Variants in PAPPA2 observed in about 807,000 individuals in gnomAD.
PAPPA2 encodes pappalysin-2.
PAPPA2 carries 86 observed loss-of-function variants against 176.4 expected under a neutral mutation model. The observed-to-expected ratio is 0.49, with a 90% CI of 0.41 to 0.58. The LOEUF (loss-of-function observed/expected upper bound fraction) is 0.58. Among genes scored for constraint, PAPPA2 ranks in the 20% least tolerant of loss-of-function variants. PAPPA2 has a pLI of 0.00. For missense variants in PAPPA2, 2,073 were observed against 2,256.9 expected (o/e 0.92, Z 1.65); for synonymous variants, 809 against 852.2 (o/e 0.95, Z 0.88).
chr1:176,539,313 C>G (rs1325871707), intron 1 of PAPPA2, among the ~76,000 whole-genome samples: 1 of 152,156 alleles, frequency 6.6e-6, no homozygotes, highest in Non-Finnish European at 1.5e-5. Context: ...TTGCCAGGGG[C>G]AGGTTGAAGG....
intron 20 of PAPPA2, among the ~76,000 whole-genome samples, chr1:176,795,473 G>T (rs1461369609): frequency 6.6e-6 from 1 of 152,124 alleles, no homozygotes; most frequent in Non-Finnish European, 1.5e-5. Flanking sequence ...CCTTAATCAT[G>T]ATGTCAAGAG....
chr1:176,651,667 T>G (rs2102743780), intron 3 of PAPPA2, among the ~76,000 whole-genome samples: 1 of 151,792 alleles, frequency 6.6e-6, no homozygotes, highest in South Asian at 2.1e-4. Context: ...CTCAAGAAAG[T>G]TTTCTTAAGA....
chr1:176,734,222 G>T (rs1055338095), intron 12 of PAPPA2, among the ~76,000 whole-genome samples: 1 of 152,096 alleles, frequency 6.6e-6, no homozygotes, highest in Non-Finnish European at 1.5e-5. Context: ...TAAAATCACA[G>T]TTTGAGGACA....
intron 2 of PAPPA2, among the ~76,000 whole-genome samples, chr1:176,564,277 TC>T (rs1651832590): frequency 6.6e-6 from 1 of 152,136 alleles, no homozygotes; most frequent in Non-Finnish European, 1.5e-5. Flanking sequence ...GAGTCCAAGC[TC>T]TTGAGCCCAG....
chr1:176,469,266 C>G (rs1274185826), intron 1 of PAPPA2, among the ~76,000 whole-genome samples: 1 of 152,134 alleles, frequency 6.6e-6, no homozygotes, highest in Non-Finnish European at 1.5e-5. Context: ...ACTTTTCTGC[C>G]AGAAAAAACA....
At chr1:176,642,276 G>A (rs1657142534) in intron 3 of PAPPA2, among the ~76,000 whole-genome samples, 1 of 151,762 alleles carries the variant, frequency 6.6e-6, no homozygotes, top group South Asian at 2.1e-4. Context: ...TAATTGCAAA[G>A]GATACTTGAT....
intron 3 of PAPPA2, among the ~76,000 whole-genome samples, chr1:176,601,633 A>G (rs1010444264): frequency 2.0e-5 from 3 of 152,226 alleles, no homozygotes. Context: ...CTGTTTCTAC[A>G]TAGTAGCTGC....
intron 3 of PAPPA2, among the ~76,000 whole-genome samples, chr1:176,625,373 C>T (rs2102700069): frequency 6.6e-6 from 1 of 152,330 alleles, no homozygotes; most frequent in East Asian, 1.9e-4. Context: ...AACACACACC[C>T]TGCCAGATTA....
intron 3 of PAPPA2, among the ~76,000 whole-genome samples, chr1:176,650,725 G>T (rs945460995): frequency 7.9e-5 from 12 of 151,460 alleles, no homozygotes; most frequent in Admixed American, 1.3e-4. Context: ...AATAAATGAG[G>T]ACTTGCTACT....
chr1:176,761,504 TATC>T (rs1185639877), intron 14 of PAPPA2, among the ~76,000 whole-genome samples: 1 of 152,150 alleles, frequency 6.6e-6, no homozygotes, highest in Non-Finnish European at 1.5e-5. Flanking sequence ...GCTGGACAAA[TATC>T]ATCACTTTGA....
chr1:176,673,151 C>G (rs1659103733), intron 4 of PAPPA2, among the ~76,000 whole-genome samples: 1 of 151,966 alleles, frequency 6.6e-6, no homozygotes, highest in Non-Finnish European at 1.5e-5. Flanking sequence ...AGGAACAGTT[C>G]CAAAGGATTT....
chr1:176,539,368 G>T (rs1032949490), intron 1 of PAPPA2, among the ~76,000 whole-genome samples: 15 of 152,222 alleles, frequency 9.9e-5, no homozygotes, highest in Non-Finnish European at 5.9e-5. Context: ...GCCTGATCCA[G>T]CAGGAGCCAC....
chr1:176,559,000 T>G (rs1651501310), intron 2 of PAPPA2, among the ~76,000 whole-genome samples: 1 of 152,178 alleles, frequency 6.6e-6, no homozygotes, highest in Admixed American at 6.5e-5. Flanking sequence ...TCCTGTCTGA[T>G]GCTCTGCACA....
intron 1 of PAPPA2, among the ~76,000 whole-genome samples, chr1:176,495,798 ATT>A (rs112623029): frequency 6.8e-6 from 1 of 146,734 alleles, no homozygotes; most frequent in Non-Finnish European, 1.5e-5. Flanking sequence ...TTTGGTGTGA[ATT>A]TTTTTTTTTT....
At chr1:176,727,127 T>C (rs1428936954) in intron 12 of PAPPA2, among the ~76,000 whole-genome samples, 2 of 151,912 alleles carry the variant, frequency 1.3e-5, no homozygotes, top group Non-Finnish European at 2.9e-5. Context: ...ATAAAATAAA[T>C]GGATTCAAAG....
At chr1:176,513,168 A>ATCG (rs758064421) in intron 1 of PAPPA2, among the ~76,000 whole-genome samples, 3 of 151,538 alleles carry the variant, frequency 2.0e-5, no homozygotes, top group Non-Finnish European at 4.4e-5. Context: ...TATCATCATC[A>ATCG]TCATCATCAT....
At chr1:176,798,227 G>A (rs746954882) in intron 20 of PAPPA2, among the ~76,000 whole-genome samples, 7 of 152,162 alleles carry the variant, frequency 4.6e-5, no homozygotes, top group Non-Finnish European at 8.8e-5. Context: ...TTATATATAA[G>A]CTTTGTTTGT....
intron 21 of PAPPA2, among the ~76,000 whole-genome samples, chr1:176,839,082 G>T (rs79625722): frequency 0.012 from 1,796 of 152,250 alleles, 33 homozygotes; most frequent in African/African-American, 0.04. Flanking sequence ...AAGAGAAAGT[G>T]ATTTGAACAC....
intron 1 of PAPPA2, among the ~76,000 whole-genome samples, chr1:176,475,546 G>C (rs552761557): frequency 2.5e-4 from 38 of 152,100 alleles, no homozygotes; most frequent in Non-Finnish European, 5.0e-4. Flanking sequence ...GAATAACTCT[G>C]GCTACAGATG....
Sources: allele counts gnomAD v4.1 joint callset (sites outside exome capture counted in the v4.1 genomes callset), GRCh38; gene constraint gnomAD v4.1.1; transcripts MANE v1.5; gene names NCBI Gene and HGNC (gene_info 2026-07-23, HGNC 2026-07-21).